The following RIMS1 variants were observed in gnomAD, a reference collection of about 807,000 sequenced individuals.
RIMS1 encodes the protein regulating synaptic membrane exocytosis protein 1.
A neutral mutation model predicts 214.1 loss-of-function variants in RIMS1; 83 were observed. The observed-to-expected ratio is 0.39, with a 90% CI of 0.32 to 0.47. The LOEUF is 0.47. Among genes scored for constraint, RIMS1 ranks in the 20% least tolerant of loss-of-function variants. RIMS1 has a pLI of 0.99. For synonymous variants in RIMS1, 793 were observed against 786.8 expected (o/e 1.01, Z -0.13); for missense variants, 2,050 against 2,161.8 (o/e 0.95, Z 1.03).
intron 2 of RIMS1, among the ~76,000 whole-genome samples, chr6:72,036,192 G>A (rs1008927754): frequency 6.6e-6 from 1 of 152,110 alleles, no homozygotes; most frequent in Non-Finnish European, 1.5e-5. Context: ...TCCTCTGTGA[G>A]ACCTAGGGAG....
chr6:71,903,480 A>G (rs1204019718), intron 1 of RIMS1, among the ~76,000 whole-genome samples: 1 of 152,164 alleles, frequency 6.6e-6, no homozygotes, highest in Non-Finnish European at 1.5e-5. Flanking sequence ...AAGCAATTGC[A>G]ACAAAAGCAA....
At chr6:72,269,898 A>G (rs1207188248) in intron 22 of RIMS1, among the ~76,000 whole-genome samples, 1 of 152,146 alleles carries the variant, frequency 6.6e-6, no homozygotes, top group Non-Finnish European at 1.5e-5. Context: ...GTTAAATACC[A>G]TATCTTTGTA....
chr6:72,110,095 G>C (rs183182278), intron 4 of RIMS1, among the ~76,000 whole-genome samples: 2 of 152,112 alleles, frequency 1.3e-5, no homozygotes, highest in Non-Finnish European at 2.9e-5. Context: ...TGCTGTTTTG[G>C]TTACTGTAGC....
chr6:72,397,654 T>C (rs923447503), intron 31 of RIMS1, among the ~76,000 whole-genome samples: 1 of 152,204 alleles, frequency 6.6e-6, no homozygotes, highest in Non-Finnish European at 1.5e-5. Flanking sequence ...TATAACCCTA[T>C]TTACATACAC....
Position 72,283,829 on chromosome 6 carries a change from A to G in RIMS1, c.3483-218A>G, listed in dbSNP as rs776699847. Among the ~76,000 whole-genome samples, 18 of 152,132 alleles carry G rather than the reference A, an allele frequency of 1.2e-4. 1 individual carries two copies. Among genetic ancestry groups the G allele is most frequent in the Non-Finnish European group, 1.0e-4 (7 of 68,022 alleles). Reference sequence around the variant, plus strand: ...GAAATGTCAGCTTCTCGTGTCTTCTATTGGGCAACTTGTGTCTTCCACTTG... The same window carrying G: ...GAAATGTCAGCTTCTCGTGTCTTCTGTTGGGCAACTTGTGTCTTCCACTTG... On this transcript the variant is annotated intron_variant, in intron 23 of 33. Coordinates refer to ENST00000521978, the MANE Select transcript of RIMS1 (RefSeq NM_014989.7).
intron 1 of RIMS1, among the ~76,000 whole-genome samples, chr6:71,966,972 A>G (rs1432897078): frequency 6.6e-6 from 1 of 152,258 alleles, no homozygotes; most frequent in African/African-American, 2.4e-5. Context: ...AAAGCTTTGT[A>G]TGAATACCTA....
At chr6:72,289,887 AG>A (rs997525337) in intron 24 of RIMS1, among the ~76,000 whole-genome samples, 1 of 152,142 alleles carries the variant, frequency 6.6e-6, no homozygotes, top group Non-Finnish European at 1.5e-5. Flanking sequence ...TCAATGAAAA[AG>A]GCAAAAGCAT....
At chr6:72,309,412 G>A (rs892307473) in intron 27 of RIMS1, among the ~76,000 whole-genome samples, 3 of 152,060 alleles carry the variant, frequency 2.0e-5, no homozygotes, top group African/African-American at 7.2e-5. Flanking sequence ...TAAAATTTGT[G>A]TTAAAATTAG....
At chr6:71,977,429 C>G (rs1797427450) in intron 2 of RIMS1, among the ~76,000 whole-genome samples, 1 of 152,296 alleles carries the variant, frequency 6.6e-6, no homozygotes. Context: ...GTGTGCATAA[C>G]ATATTGCCAG....
At chr6:71,961,378 C>G (rs570734327) in intron 1 of RIMS1, among the ~76,000 whole-genome samples, 1 of 151,990 alleles carries the variant, frequency 6.6e-6, no homozygotes, top group South Asian at 2.1e-4. Flanking sequence ...CTACCGCTTG[C>G]TTCCACTTCC....
chr6:72,103,637 T>C (rs1228530342), intron 4 of RIMS1, among the ~76,000 whole-genome samples: 1 of 152,126 alleles, frequency 6.6e-6, no homozygotes, highest in Non-Finnish European at 1.5e-5. Context: ...CTTGATATTT[T>C]TGTGAACATA....
intron 4 of RIMS1, among the ~76,000 whole-genome samples, chr6:72,105,134 A>G (rs1002947100): frequency 1.8e-4 from 27 of 152,136 alleles, no homozygotes; most frequent in Non-Finnish European, 1.2e-4. Flanking sequence ...GGGCCTTCCT[A>G]TGTTGCCAAT....
chr6:72,149,777 C>A (rs774510857), intron 4 of RIMS1, among the ~76,000 whole-genome samples: 1 of 152,194 alleles, frequency 6.6e-6, no homozygotes, highest in Non-Finnish European at 1.5e-5. Context: ...GCTTCCACAG[C>A]CAGCAACATC....
intron 1 of RIMS1, among the ~76,000 whole-genome samples, chr6:71,918,024 G>C (rs912451133): frequency 2.0e-5 from 3 of 152,116 alleles, no homozygotes; most frequent in Admixed American, 6.6e-5. Flanking sequence ...TATGCAGTTG[G>C]AGATGCTAAG....
At chr6:72,169,706 C>A (rs1038191713) in intron 4 of RIMS1, among the ~76,000 whole-genome samples, 2 of 152,082 alleles carry the variant, frequency 1.3e-5, no homozygotes, top group Admixed American at 1.3e-4. Context: ...GAGTTCAAGA[C>A]CAGCCTGGGC....
At chr6:72,378,831 G>A (rs1343792047) in intron 29 of RIMS1, among the ~76,000 whole-genome samples, 4 of 152,078 alleles carry the variant, frequency 2.6e-5, no homozygotes, top group Admixed American at 6.6e-5. Context: ...AGAGTGAGAC[G>A]CCGTCTCAAA....
Position 72,391,790 on chromosome 6 carries a change from A to C in RIMS1, c.4506-908A>C, listed in dbSNP as rs187110480. ...AGTTACAGAGATAAACTTACTGACAAAATACCCATATTTGATGAAGTAGCA... is the reference window on the plus strand; with the variant it reads ...AGTTACAGAGATAAACTTACTGACACAATACCCATATTTGATGAAGTAGCA... On this transcript the variant is annotated intron_variant, in intron 30 of 33. Coordinates refer to ENST00000521978, the MANE Select transcript of RIMS1 (RefSeq NM_014989.7). 4.6e-3 allele frequency among the ~76,000 whole-genome samples: 701 copies of C among 152,300 alleles called. 2 individuals carry two copies. The highest frequency in any genetic ancestry group is 6.3e-3 in the Non-Finnish European group (429 of 68,020).
Position 72,001,579 on chromosome 6 carries a change from A to G in RIMS1, c.245+32516A>G, listed in dbSNP as rs185788366. Among the ~76,000 whole-genome samples the G allele has an allele frequency of 2.0e-5, 3 of 152,326 alleles. No individual in the cohort carries two copies. In the East Asian group the frequency reaches 5.8e-4, roughly 29 times the overall value. On this transcript the variant is annotated intron_variant, in intron 2 of 33. Transcript: ENST00000521978. ...AATATCTAATGTGATCGTATTATAT[A>G]AACAACAAAGTTTTGCTAAATAATA... is the stretch of plus-strand genomic sequence containing the variant.
rs555039078 is a variant in RIMS1, at chr6:72,210,341, G to A, written c.1679-23432G>A. ...GCCAGTGCTAACTTTAGCTAAAAAT[G>A]TCCTCAATGCAGGACTTCTGACCAC... On this transcript the variant is annotated intron_variant, in intron 6 of 33. Transcript: ENST00000521978. 2.1e-3 allele frequency among the ~76,000 whole-genome samples: 323 copies of A among 152,274 alleles called. 4 individuals are homozygous for A. The highest frequency in any genetic ancestry group is 6.9e-3 in the African/African-American group (288 of 41,560).
Sources: gnomAD v4.1 joint callset for allele counts (sites outside exome capture counted in the v4.1 genomes callset) on GRCh38, gnomAD v4.1.1 for gene constraint, MANE v1.5 for transcripts, NCBI Gene and HGNC (gene_info 2026-07-23, HGNC 2026-07-21) for gene names.